The following KANK2 variants were observed in gnomAD, a reference collection of about 807,000 sequenced individuals.
KANK2 encodes KN motif and ankyrin repeat domains 2.
In KANK2, 41 loss-of-function variants were observed where a neutral mutation model predicts 74.6. That is an observed-to-expected ratio of 0.55 (90% CI 0.43 to 0.71). The LOEUF (loss-of-function observed/expected upper bound fraction) is 0.71, where lower values mean the gene tolerates loss of function less well. Ranked by LOEUF, KANK2 falls within the 30% of genes least tolerant of loss-of-function variation. The probability of loss-of-function intolerance (pLI) is 0.00; values close to 1 mark genes in which losing one functional copy is unlikely to be tolerated. For missense variants in KANK2, 1,148 were observed against 1,196.4 expected (o/e 0.96, Z 0.60); for synonymous variants, 537 against 519.0 (o/e 1.03, Z -0.47).
At chr19:11,196,693 T>C (rs1457249301) in intron 1 of KANK2, 1 of 151,900 alleles carries the variant, frequency 6.6e-6, no homozygotes, top group African/African-American at 2.4e-5. Flanking sequence ...GGGGGTGTGG[T>C]GGGGGAGATG....
chr19:11,178,320 G>C (rs752366150), intron 6 of KANK2, 25 bp downstream of exon 6: 44 of 581,040 alleles, frequency 7.6e-5, no homozygotes, highest in Non-Finnish European at 1.2e-4. Context: ...AGTATGGGGT[G>C]GGGGGTGGGG....
chr19:11,185,570 G>T (rs538131379), intron 4 of KANK2, among the ~76,000 whole-genome samples: 1 of 150,186 alleles, frequency 6.7e-6, no homozygotes, highest in African/African-American at 2.4e-5. Context: ...GTTTCAGGCT[G>T]TATCTGGCCC....
chr19:11,186,503 G>A (rs1416977391), intron 4 of KANK2, among the ~76,000 whole-genome samples: 2 of 152,120 alleles, frequency 1.3e-5, no homozygotes, highest in African/African-American at 2.4e-5. Context: ...TTGGAGACGA[G>A]CCTGACCAAC....
At chr19:11,188,968 G>A (rs191869866) in intron 4 of KANK2, among the ~76,000 whole-genome samples, 1 of 150,196 alleles carries the variant, frequency 6.7e-6, no homozygotes, top group East Asian at 2.0e-4. Context: ...CTGGGTGGCA[G>A]TGCAAGACTC....
rs1457834540 is a variant in KANK2, at chr19:11,174,820, C to CAGACCCTCCCAAAGGGAAGTGT, written c.1849-150_1849-129dup. The CAGACCCTCCCAAAGGGAAGTGT allele has an allele frequency of 6.8e-5, 48 of 708,110 alleles. No individual in the cohort carries two copies. In the African/African-American group the frequency reaches 8.1e-4, roughly 12 times the overall value. The allele number at this position is 708,110 out of a possible 1,614,324, so 43.9% of individuals were successfully genotyped here. ...CTGGAAAACGATCTCAAGGGAAGTG[C>CAGACCCTCCCAAAGGGAAGTGT]AGACCCTCCCAAAGGGAAGTGTAGA... On this transcript the variant is annotated intron_variant, in intron 8 of 12. Coordinates refer to ENST00000586659, the MANE Select transcript of KANK2 (RefSeq NM_001136191.3).
At position 11,175,994 on chromosome 19, in the gene KANK2, CA is replaced by C. The variant is rs781298607; in HGVS notation, c.1761-6del. 1 of 1,611,578 alleles carries C rather than the reference CA, an allele frequency of 6.2e-7. No homozygotes were observed. The highest frequency in any genetic ancestry group is 1.1e-5 in the South Asian group (1 of 90,626). ...AGGTCAGGGCTTAGCTCCATCCTGC[CA>C]GGAACAGACAAAGCGGGGAACTAAG... is the stretch of plus-strand genomic sequence containing the variant. On this transcript the variant is annotated splice_region_variant and splice_polypyrimidine_tract_variant and intron_variant, in intron 7 of 12. Transcript: ENST00000586659.
intron 4 of KANK2, 95 bp from the exon 5 acceptor site, chr19:11,178,815 G>A: frequency 8.3e-7 from 1 of 1,206,226 alleles, no homozygotes; most frequent in Non-Finnish European, 1.1e-6. Context: ...AGCTGTAACA[G>A]GGCTGATTTT....
rs543269644 is a variant in KANK2 at position 11,191,508 on chromosome 19, T to TCCCCTAC, written c.1249+1316_1249+1322dup. Among the ~76,000 whole-genome samples the TCCCCTAC allele has an allele frequency of 2.6e-4, 40 of 152,244 alleles. No homozygotes were observed. The South Asian group carries it at 4.8e-3, about 18-fold the overall frequency. On this transcript the variant is annotated intron_variant, in intron 4 of 12. Coordinates refer to ENST00000586659, the MANE Select transcript of KANK2 (RefSeq NM_001136191.3). Reference sequence around the variant, plus strand: ...AAAGGCCACAGGGCTTGGGTGGGGCTCCCCTACCCCCGGCGTCCATGGCTA... The same window carrying TCCCCTAC: ...AAAGGCCACAGGGCTTGGGTGGGGCTCCCCTACCCCCTACCCCCGGCGTCCATGGCTA...
chr19:11,175,219 G>A (rs998847550), intron 8 of KANK2, among the ~76,000 whole-genome samples: 1 of 151,620 alleles, frequency 6.6e-6, no homozygotes, highest in Non-Finnish European at 1.5e-5. Context: ...TTGAGGTCAC[G>A]AGTTCGAGAC....
In KANK2 at chr19:11,173,089, G is replaced by A. The variant is rs372687614; in HGVS notation, c.2103C>T (p.Gly701=). 51 of 1,613,944 alleles carry A rather than the reference G, an allele frequency of 3.2e-5. No individual in the cohort carries two copies. Among genetic ancestry groups the A allele is most frequent in the South Asian group, 6.6e-5 (6 of 91,084 alleles). Reference sequence around the variant, plus strand: ...GGGCGGTGAGCATAATAGGGCTGTAGCCAGCACGGTTCTGTTTGTCCACCT... The same window carrying A: ...GGGCGGTGAGCATAATAGGGCTGTAACCAGCACGGTTCTGTTTGTCCACCT... The part of the protein sequence containing the change: ...VCKVDKQNRA[G]YSPIMLTALA... The change falls in exon 10 of 13, where the codon GGC becomes GGT. Residue 701 remains glycine, a synonymous_variant. Coordinates refer to ENST00000586659, the MANE Select transcript of KANK2 (RefSeq NM_001136191.3).
In KANK2 at chr19:11,177,416, G is replaced by A. The variant is rs140636083; in HGVS notation, c.1521-599C>T. Reference sequence around the variant, plus strand: ...GTCGCCCAGGCTAGAGTGCAATGGTGTAATCTCAGTTCACTGCAACCTCTG... The same window carrying A: ...GTCGCCCAGGCTAGAGTGCAATGGTATAATCTCAGTTCACTGCAACCTCTG... On this transcript the variant is annotated intron_variant, in intron 6 of 12. Transcript: ENST00000586659. 1.5e-3 allele frequency among the ~76,000 whole-genome samples: 226 copies of A among 152,046 alleles called. 2 individuals carry two copies. The highest frequency in any genetic ancestry group is 5.4e-3 in the African/African-American group (222 of 41,468).
intron 2 of KANK2, 44 bp from the exon 3 acceptor site, chr19:11,194,634 G>T (rs866253330): frequency 2.7e-6 from 2 of 754,692 alleles, no homozygotes; most frequent in Admixed American, 2.0e-5. Flanking sequence ...GAGTCTGTAG[G>T]GGGAGGGGAG....
chr19:11,174,955 CTCTTT>C (rs956880501), intron 8 of KANK2, among the ~76,000 whole-genome samples: 7 of 146,016 alleles, frequency 4.8e-5, no homozygotes, highest in African/African-American at 1.9e-4. Flanking sequence ...TTCTCTCTCT[CTCTTT>C]TTTTTTTTTT....
chr19:11,189,881 C>G (rs973970299), intron 4 of KANK2, among the ~76,000 whole-genome samples: 2 of 152,154 alleles, frequency 1.3e-5, no homozygotes, highest in Non-Finnish European at 2.9e-5. Flanking sequence ...CCAGGCGGAG[C>G]CTCTGGCAGG....
Position 11,194,061 on chromosome 19 carries a change from C to G in KANK2, c.38-19G>C, listed in dbSNP as rs375015149. 29 of 1,582,394 alleles carry G rather than the reference C, an allele frequency of 1.8e-5. No individual in the cohort carries two copies. The highest frequency in any genetic ancestry group is 2.4e-5 in the Non-Finnish European group (28 of 1,164,784). On this transcript the variant is annotated intron_variant, in intron 3 of 12. Coordinates refer to ENST00000586659, the MANE Select transcript of KANK2 (RefSeq NM_001136191.3). ...GGGGTCCCTGGGGATGGGAGAAACA[C>G]CAGGACCTTTGAATCCTCTTGTCCC...
intron 4 of KANK2, among the ~76,000 whole-genome samples, chr19:11,185,135 G>A (rs568841748): frequency 6.7e-6 from 1 of 148,840 alleles, no homozygotes; most frequent in African/African-American, 2.5e-5. Flanking sequence ...AAAATCCTGG[G>A]CTTGCCGGGC....
rs767572937 is a variant in KANK2 at position 11,192,782 on chromosome 19, G to GCC, written c.1249+48_1249+49insGG. 105 of 1,543,078 alleles carry GCC rather than the reference G, an allele frequency of 6.8e-5. No individual in the cohort carries two copies. In the Admixed American group the frequency reaches 1.9e-3, roughly 27 times the overall value. On this transcript the variant is annotated intron_variant, in intron 4 of 12. Coordinates refer to ENST00000586659, the MANE Select transcript of KANK2 (RefSeq NM_001136191.3). ...CCAGGATGAGCCATGGGAAGAAAGAGGCCCCCCCCCCCCAAGCCATTCTCC... is the reference window on the plus strand; with the variant it reads ...CCAGGATGAGCCATGGGAAGAAAGAGCCGCCCCCCCCCCCCAAGCCATTCTCC...
At chr19:11,177,985 C>T (rs1353662535) in intron 6 of KANK2, among the ~76,000 whole-genome samples, 1 of 152,176 alleles carries the variant, frequency 6.6e-6, no homozygotes, top group Non-Finnish European at 1.5e-5. Flanking sequence ...ACCTGCACCA[C>T]CTGAGTGTTC....
In KANK2 at chr19:11,193,709, A is replaced by G. The variant is rs2078929780; in HGVS notation, c.371T>C (p.Val124Ala). 1 of 1,611,688 alleles carries G rather than the reference A, an allele frequency of 6.2e-7. No homozygotes were observed. The highest frequency in any genetic ancestry group is 1.1e-5 in the South Asian group (1 of 91,068). Residue 124 changes from valine (V) to alanine (A), a missense_variant, in exon 4 of 13, where the codon GTG (valine) becomes GCG (alanine). By Grantham distance (64) the Val-to-Ala change is moderately conservative. Transcript: ENST00000586659. This position sits in a 1 kb window ranked among gnomAD's most constrained non-coding sequence, Gnocchi z 9.6. ...ACGGGCATCCAGCAGCGTGCGCTCC[A>G]CCCGCGGATTGAAGCCACCGCGGGT... is the stretch of plus-strand genomic sequence containing the variant. ...LETRGGFNPRVERTLLDARRR... is the reference protein window; with the variant it reads ...LETRGGFNPRAERTLLDARRR...
Sources: allele counts gnomAD v4.1 joint callset (sites outside exome capture counted in the v4.1 genomes callset), GRCh38; gene constraint gnomAD v4.1.1; non-coding constraint Gnocchi (gnomAD v3.1); transcripts MANE v1.5; gene names NCBI Gene and HGNC (gene_info 2026-07-23, HGNC 2026-07-21).